GPC5: variants seen among roughly 807,000 people sequenced by gnomAD.
GPC5 encodes the protein glypican 5, also known as glypican-5.
GPC5 carries 47 observed loss-of-function variants against 53.9 expected under a neutral mutation model. That is an observed-to-expected ratio of 0.87 (90% confidence interval 0.69 to 1.11). The LOEUF (loss-of-function observed/expected upper bound fraction) is 1.11, where lower values mean the gene tolerates loss of function less well. GPC5 is among the 50% of genes most tolerant of loss of function. The pLI is 0.00. For synonymous variants in GPC5, 286 were observed against 263.3 expected (o/e 1.09, Z -0.84); for missense variants, 748 against 713.1 (o/e 1.05, Z -0.56).
intron 2 of GPC5, among the ~76,000 whole-genome samples, chr13:91,581,531 T>G (rs1449200522): frequency 2.6e-5 from 4 of 152,194 alleles, no homozygotes; most frequent in Admixed American, 2.6e-4. Context: ...TCTTCTCCAG[T>G]GCTAGCTACT....
chr13:92,742,698 G>A (rs1317623672), intron 7 of GPC5, among the ~76,000 whole-genome samples: 5 of 152,096 alleles, frequency 3.3e-5, no homozygotes, highest in Admixed American at 2.6e-4. Context: ...TTTCTTCCAG[G>A]GTTTTTATGG....
intron 7 of GPC5, among the ~76,000 whole-genome samples, chr13:92,343,783 T>C (rs2043386888): frequency 6.6e-6 from 1 of 152,156 alleles, no homozygotes; most frequent in Non-Finnish European, 1.5e-5. Flanking sequence ...AAATAAAATA[T>C]AGTGGGATTT....
chr13:91,535,894 A>G (rs934225473), intron 2 of GPC5, among the ~76,000 whole-genome samples: 3 of 152,212 alleles, frequency 2.0e-5, no homozygotes, highest in African/African-American at 7.2e-5. Context: ...TATGTATACT[A>G]GTGCTAATAT....
intron 6 of GPC5, chr13:91,994,871 A>AT (rs5805720): frequency 1 from 152,329 of 152,332 alleles, 76,163 homozygotes; most frequent in Middle Eastern, 1. Context: ...TCTGAAATTT[A>AT]TTTAATTCCA....
chr13:91,762,690 T>G (rs1177400856), intron 5 of GPC5, among the ~76,000 whole-genome samples: 1 of 152,024 alleles, frequency 6.6e-6, no homozygotes, highest in Non-Finnish European at 1.5e-5. Flanking sequence ...TAGCCTATCA[T>G]ATTTGGTTCA....
At chr13:92,117,968 A>G (rs767455881) in intron 6 of GPC5, among the ~76,000 whole-genome samples, 1 of 152,170 alleles carries the variant, frequency 6.6e-6, no homozygotes, top group Non-Finnish European at 1.5e-5. Flanking sequence ...GGCTAGGACC[A>G]TCAGTATTAT....
intron 7 of GPC5, among the ~76,000 whole-genome samples, chr13:92,830,683 T>C (rs1878016971): frequency 6.6e-6 from 1 of 152,170 alleles, no homozygotes; most frequent in Non-Finnish European, 1.5e-5. Context: ...GAAGCCACTC[T>C]TTCAAGATGA....
At chr13:92,348,345 T>C (rs540577708) in intron 7 of GPC5, among the ~76,000 whole-genome samples, 64 of 151,890 alleles carry the variant, frequency 4.2e-4, no homozygotes, top group Non-Finnish European at 8.2e-4. Flanking sequence ...AAGAACATCA[T>C]ATGATAATAA....
chr13:92,753,554 C>T (rs1594481087), intron 7 of GPC5, among the ~76,000 whole-genome samples: 1 of 152,008 alleles, frequency 6.6e-6, no homozygotes, highest in Non-Finnish European at 1.5e-5. Flanking sequence ...GACATTCAAA[C>T]CAAAGGCAAA....
At chr13:92,332,508 T>G (rs1322015035) in intron 7 of GPC5, among the ~76,000 whole-genome samples, 2 of 152,160 alleles carry the variant, frequency 1.3e-5, no homozygotes, top group Non-Finnish European at 2.9e-5. Context: ...CAATCCTTAG[T>G]TTTCACAATT....
At chr13:92,296,615 G>T (rs1024702073) in intron 7 of GPC5, among the ~76,000 whole-genome samples, 5 of 152,136 alleles carry the variant, frequency 3.3e-5, no homozygotes, top group Non-Finnish European at 5.9e-5. Context: ...CCCCTTTCTG[G>T]GCTGGCCAAG....
At chr13:91,567,649 G>A (rs1215854759) in intron 2 of GPC5, among the ~76,000 whole-genome samples, 2 of 152,144 alleles carry the variant, frequency 1.3e-5, no homozygotes, top group African/African-American at 4.8e-5. Context: ...TGCCAGCTGA[G>A]GGATATTGAA....
At chr13:92,280,879 G>A (rs2042909887) in intron 7 of GPC5, among the ~76,000 whole-genome samples, 1 of 152,168 alleles carries the variant, frequency 6.6e-6, no homozygotes, top group African/African-American at 2.4e-5. Context: ...TCATCTCACT[G>A]GGGCTTGTCG....
At chr13:91,544,636 T>TA (rs2030169383) in intron 2 of GPC5, among the ~76,000 whole-genome samples, 1 of 152,136 alleles carries the variant, frequency 6.6e-6, no homozygotes, top group Non-Finnish European at 1.5e-5. Context: ...ATCTAAAGAG[T>TA]TATATCTTTC....
chr13:92,131,862 AAAAT>A (rs1438011703), intron 6 of GPC5, among the ~76,000 whole-genome samples: 1 of 152,064 alleles, frequency 6.6e-6, no homozygotes, highest in Non-Finnish European at 1.5e-5. Flanking sequence ...TAAAAGAAGA[AAAAT>A]AAGTAGATTA....
rs150488754 is a variant in GPC5 at position 91,611,743 on chromosome 13, A to G, written c.326-81444A>G. Among the ~76,000 whole-genome samples the G allele has an allele frequency of 9.9e-5, 15 of 152,220 alleles. 1 individual carries two copies. The highest frequency in any genetic ancestry group is 3.4e-4 in the African/African-American group (14 of 41,526). The stretch of plus-strand genomic sequence containing the variant: ...TGTCACCAGAAACCCTACAGTCCCT[A>G]TGGCCATAGTCTTGATGCATATTCC... On this transcript the variant is annotated intron_variant, in intron 2 of 7. Transcript: ENST00000377067.
At chr13:92,381,881 TATATATATTATATATAATC>T (rs2043745835) in intron 7 of GPC5, among the ~76,000 whole-genome samples, 1 of 39,668 alleles carries the variant, frequency 2.5e-5, no homozygotes, top group African/African-American at 8.3e-5. Flanking sequence ...TATATATGAT[TATATATATTATATATAATC>T]ATATATATGA....
At chr13:92,624,892 G>A (rs531733155) in intron 7 of GPC5, among the ~76,000 whole-genome samples, 1 of 152,344 alleles carries the variant, frequency 6.6e-6, no homozygotes, top group Admixed American at 6.5e-5. Flanking sequence ...AGGGCAGTCA[G>A]TGTCCCTACT....
At chr13:92,207,081 T>C (rs903874911) in intron 7 of GPC5, among the ~76,000 whole-genome samples, 4 of 152,228 alleles carry the variant, frequency 2.6e-5, no homozygotes, top group Non-Finnish European at 5.9e-5. Flanking sequence ...CTTCATTTGT[T>C]ATTTAATTTT....
Sources: allele counts gnomAD v4.1 joint callset (sites outside exome capture counted in the v4.1 genomes callset), GRCh38; gene constraint gnomAD v4.1.1; transcripts MANE v1.5; gene names NCBI Gene and HGNC (gene_info 2026-07-23, HGNC 2026-07-21).